The following HMGB1 variants were observed in gnomAD, a reference collection of about 807,000 sequenced individuals.
HMGB1 encodes high mobility group protein B1.
For missense variants in HMGB1, 79 were observed against 253.5 expected (o/e 0.31, Z 4.67); for synonymous variants, 81 against 84.0 (o/e 0.96, Z 0.19).
At chr13:30,498,837 A>G (rs962529372) in intron 1 of HMGB1, among the ~76,000 whole-genome samples, 4 of 151,684 alleles carry the variant, frequency 2.6e-5, no homozygotes, top group Non-Finnish European at 4.4e-5. Flanking sequence ...TAGTAGAGAC[A>G]GGGTTTCACC....
rs116400139 is a variant in HMGB1 at position 30,550,310 on chromosome 13, C to T, written c.-15+66361G>A. ...ACATTGTGCTAGGGACCAATCTAAA[C>T]ACTGGGAACACAAAGGTGGGTGGCT... On this transcript the variant is annotated intron_variant, in intron 1 of 4. Coordinates refer to the HMGB1 transcript ENST00000405805. Among the ~76,000 whole-genome samples the T allele has an allele frequency of 6.4e-3, 968 of 152,192 alleles. 10 individuals are homozygous for T. The highest frequency in any genetic ancestry group is 0.022 in the African/African-American group (914 of 41,490).
At chr13:30,526,799 A>G (rs1233417626) in intron 1 of HMGB1, among the ~76,000 whole-genome samples, 1 of 152,226 alleles carries the variant, frequency 6.6e-6, no homozygotes, top group Non-Finnish European at 1.5e-5. Context: ...TCCATACCAC[A>G]GAGCCTTCCT....
chr13:30,568,471 C>T (rs1204437791), intron 1 of HMGB1, among the ~76,000 whole-genome samples: 1 of 152,098 alleles, frequency 6.6e-6, no homozygotes, highest in African/African-American at 2.4e-5. Context: ...TCATGTCACC[C>T]CACTCCAGCC....
chr13:30,491,194 A>G (rs1427018213), intron 1 of HMGB1, among the ~76,000 whole-genome samples: 1 of 151,800 alleles, frequency 6.6e-6, no homozygotes, highest in Non-Finnish European at 1.5e-5. Context: ...ACGCCTGGCT[A>G]ATTTTTTGTA....
intron 3 of HMGB1, 125 bp downstream of exon 3, chr13:30,463,082 A>G: frequency 1.0e-6 from 1 of 952,474 alleles, no homozygotes; most frequent in Non-Finnish European, 1.6e-6. Context: ...ACCAATATGA[A>G]CAAGTATTAG....
At chr13:30,516,037 G>A (rs531755033) in intron 1 of HMGB1, among the ~76,000 whole-genome samples, 204 of 152,088 alleles carry the variant, frequency 1.3e-3, no homozygotes, top group Non-Finnish European at 2.3e-3. Flanking sequence ...CCTCACCCCC[G>A]GAGATTTACA....
rs181119248 is a variant in HMGB1 at position 30,542,633 on chromosome 13, C to G, written c.-15+74038G>C. ...CACTCACCTGGTCCTGAAAATGCCA[C>G]AGCCTGGCTGGCTGGCTGAGCCCTC... On this transcript the variant is annotated intron_variant, in intron 1 of 4. Transcript: ENST00000405805. 15 of 177,636 alleles carry G rather than the reference C, an allele frequency of 8.4e-5. No individual in the cohort carries two copies. In the East Asian group the frequency reaches 1.4e-3, roughly 17 times the overall value. 11.0% of individuals were successfully genotyped at this position (177,636 alleles called of 1,614,324 possible).
intron 1 of HMGB1, among the ~76,000 whole-genome samples, chr13:30,562,691 C>G (rs1397522393): frequency 6.6e-6 from 1 of 152,174 alleles, no homozygotes; most frequent in Non-Finnish European, 1.5e-5. Context: ...ACAAAGACTT[C>G]ATTCTTAGAG....
At chr13:30,516,020 C>T (rs1334342553) in intron 1 of HMGB1, among the ~76,000 whole-genome samples, 3 of 152,142 alleles carry the variant, frequency 2.0e-5, no homozygotes, top group East Asian at 1.9e-4. Flanking sequence ...AACACTCCAC[C>T]TTCCCCCCTC....
At chr13:30,581,158 A>G (rs1228024792) in intron 1 of HMGB1, among the ~76,000 whole-genome samples, 1 of 152,236 alleles carries the variant, frequency 6.6e-6, no homozygotes, top group African/African-American at 2.4e-5. Context: ...AAAAGAAAAA[A>G]AAGAATTTTA....
At chr13:30,525,943 C>T (rs181624339) in intron 1 of HMGB1, among the ~76,000 whole-genome samples, 77 of 152,194 alleles carry the variant, frequency 5.1e-4, no homozygotes, top group African/African-American at 1.6e-3. Flanking sequence ...GCGATCTGTC[C>T]GCTTTGGCCT....
chr13:30,525,143 G>A (rs1417664002), intron 1 of HMGB1, among the ~76,000 whole-genome samples: 1 of 152,080 alleles, frequency 6.6e-6, no homozygotes, highest in Non-Finnish European at 1.5e-5. Flanking sequence ...GCAAAAATAA[G>A]AATAGAAACC....
intron 1 of HMGB1, among the ~76,000 whole-genome samples, chr13:30,545,039 A>AT (rs554405335): frequency 8.6e-5 from 13 of 151,688 alleles, no homozygotes; most frequent in East Asian, 1.9e-4. Context: ...TAAAAAAACT[A>AT]TTTTTTTTCT....
Position 30,559,352 on chromosome 13 carries a change from G to C in HMGB1, c.-15+57319C>G, listed in dbSNP as rs956029280. 2.6e-5 allele frequency among the ~76,000 whole-genome samples: 4 copies of C among 152,100 alleles called. No individual in the cohort carries two copies. Among genetic ancestry groups the C allele is most frequent in the African/African-American group, 9.7e-5 (4 of 41,406 alleles). ...TTACAAGACCATGGCTTATTTTACAGGGTGAACTCCCAATCCCGGTAAGAT... is the reference window on the plus strand; with the variant it reads ...TTACAAGACCATGGCTTATTTTACACGGTGAACTCCCAATCCCGGTAAGAT... On this transcript the variant is annotated intron_variant, in intron 1 of 4. Coordinates refer to the HMGB1 transcript ENST00000405805. This position sits in a 1 kb window ranked among gnomAD's most constrained non-coding sequence, Gnocchi z 6.6.
At chr13:30,571,687 G>T (rs534848390) in intron 1 of HMGB1, among the ~76,000 whole-genome samples, 69 of 152,238 alleles carry the variant, frequency 4.5e-4, no homozygotes, top group African/African-American at 1.6e-3. Flanking sequence ...GAAGCCACAA[G>T]CAGGTTTACA....
chr13:30,470,930 T>C (rs539763984), upstream of HMGB1, among the ~76,000 whole-genome samples: 3 of 152,154 alleles, frequency 2.0e-5, no homozygotes, highest in Non-Finnish European at 4.4e-5. Flanking sequence ...ATTACAGGTG[T>C]GAGCCACCAT....
At chr13:30,571,108 G>GA (rs1870402685) in intron 1 of HMGB1, among the ~76,000 whole-genome samples, 1 of 151,970 alleles carries the variant, frequency 6.6e-6, no homozygotes, top group South Asian at 2.1e-4. Flanking sequence ...CTAGAAGGTG[G>GA]AAGAAAAATC....
chr13:30,563,098 GA>G (rs754957804), intron 1 of HMGB1, among the ~76,000 whole-genome samples: 1 of 152,184 alleles, frequency 6.6e-6, no homozygotes, highest in Non-Finnish European at 1.5e-5. Flanking sequence ...TCTACAGCAG[GA>G]ATTACAACCA....
At chr13:30,523,343 C>G (rs1157024096) in intron 1 of HMGB1, among the ~76,000 whole-genome samples, 1 of 152,230 alleles carries the variant, frequency 6.6e-6, no homozygotes, top group Non-Finnish European at 1.5e-5. Flanking sequence ...ACCACTCCTT[C>G]CTAGTCAAAG....
Sources: gnomAD v4.1 joint callset for allele counts (sites outside exome capture counted in the v4.1 genomes callset) on GRCh38, gnomAD v4.1.1 for gene constraint, Gnocchi (gnomAD v3.1) non-coding constraint, MANE v1.5 for transcripts, NCBI Gene and HGNC (gene_info 2026-07-23, HGNC 2026-07-21) for gene names.